CREB3L4: variants seen among roughly 807,000 people sequenced by gnomAD.
CREB3L4 encodes the protein cAMP responsive element binding protein 3 like 4.
In CREB3L4, 28 loss-of-function variants were observed where a neutral mutation model predicts 37.0. The ratio of observed to expected loss-of-function variants is 0.76; its 90% CI spans 0.56 to 1.04. The LOEUF (loss-of-function observed/expected upper bound fraction) is 1.04, where lower values mean the gene tolerates loss of function less well. Among genes scored for constraint, CREB3L4 ranks in the 50% least tolerant of loss-of-function variants. The probability of loss-of-function intolerance (pLI) is 0.00; values close to 1 mark genes in which losing one functional copy is unlikely to be tolerated. For missense variants in CREB3L4, 462 were observed against 486.0 expected (o/e 0.95, Z 0.46); for synonymous variants, 175 against 192.2 (o/e 0.91, Z 0.74).
In CREB3L4 at chr1:153,969,320, GTTTTCTACTCC is replaced by G; in HGVS notation, c.422-13_422-3del. On this transcript the variant is annotated splice_region_variant and splice_polypyrimidine_tract_variant and intron_variant, in intron 3 of 9. Coordinates refer to ENST00000368607, the MANE Select transcript of CREB3L4 (RefSeq NM_001255978.2). ...TAAGTCTCCTTTCTCCCAGCTACCT[GTTTTCTACTCC>G]AGATCAGTGGAGCCCAGCATTTATG... 6.2e-7 allele frequency: 1 copy of G among 1,614,198 alleles called. No homozygotes were observed. The highest frequency in any genetic ancestry group is 2.2e-5 in the East Asian group (1 of 44,884).
Position 153,972,833 on chromosome 1 carries a change from C to T in CREB3L4, c.633C>T (p.Thr211=). 6.2e-7 allele frequency: 1 copy of T among 1,613,330 alleles called. No individual in the cohort carries two copies. The highest frequency in any genetic ancestry group is 8.5e-7 in the Non-Finnish European group (1 of 1,179,428). The change falls in exon 5 of 10, where the codon ACC becomes ACT. Residue 211 remains threonine (T), a synonymous_variant. Transcript: ENST00000368607. ...GVSLPSHLPL[T]KAEERVLKKV... ...CCCTGCCCTCTCACCTGCCCCTCAC[C>T]AAGGTAACATGCTTCCCCTAAGGGT...
chr1:153,970,739 CTTTTTTTTTTTT>C (rs35553007), intron 4 of CREB3L4, among the ~76,000 whole-genome samples: 25 of 87,154 alleles, frequency 2.9e-4, no homozygotes, highest in South Asian at 1.0e-3. Flanking sequence ...ATCTTAGAAT[CTTTTTTTTTTTT>C]TTTTTTTTTT....
chr1:153,968,770 T>G (rs1648035631), intron 2 of CREB3L4, 71 bp downstream of exon 2: 24 of 1,591,620 alleles, frequency 1.5e-5, no homozygotes, highest in Non-Finnish European at 2.0e-5. Flanking sequence ...CAGCTCCCAC[T>G]TGGAGACAGG....
chr1:153,970,739 CTTTT>C (rs35553007), intron 4 of CREB3L4, among the ~76,000 whole-genome samples: 590 of 87,144 alleles, frequency 6.8e-3, no homozygotes, highest in Non-Finnish European at 9.1e-3. Context: ...ATCTTAGAAT[CTTTT>C]TTTTTTTTTT....
chr1:153,973,506 A>G, intron 8 of CREB3L4, 42 bp downstream of exon 8: 1 of 1,589,998 alleles, frequency 6.3e-7, no homozygotes, highest in Non-Finnish European at 8.6e-7. Context: ...CCACACTTCT[A>G]TCCTTATACC....
Position 153,974,131 on chromosome 1 carries a change from C to A in CREB3L4, c.*66C>A. 6.7e-7 allele frequency: 1 copy of A among 1,489,082 alleles called. No individual in the cohort carries two copies. The highest frequency in any genetic ancestry group is 9.2e-7 in the Non-Finnish European group (1 of 1,091,116). 92.2% of individuals were successfully genotyped at this position (1,489,082 alleles called of 1,614,324 possible). On this transcript the variant is annotated 3_prime_UTR_variant, in exon 10 of 10. Transcript: ENST00000368607. ...AATCCTGGGCTTCCTTATGGCTTTG[C>A]TTCCCACTGGGATTCCTACTTAGGT...
chr1:153,969,410 C>A lies in CREB3L4; in HGVS notation c.498C>A (p.Ile166=). 1 of 1,614,170 alleles carries A rather than the reference C, an allele frequency of 6.2e-7. No homozygotes were observed. The highest frequency in any genetic ancestry group is 8.5e-7 in the Non-Finnish European group (1 of 1,180,022). Residue 166 remains isoleucine, a synonymous_variant, in exon 4 of 10, where the codon ATC becomes ATA. Transcript: ENST00000368607. ...TGCCCTTTGATGCTCATGCCCACAT[C>A]CTGCCCAGAGCAGGCACCGTAGCCC... is the stretch of plus-strand genomic sequence containing the variant. ...SELPFDAHAH[I]LPRAGTVAPV...
intron 4 of CREB3L4, among the ~76,000 whole-genome samples, chr1:153,970,467 G>A (rs573579350): frequency 3.3e-5 from 5 of 152,310 alleles, no homozygotes; most frequent in Non-Finnish European, 5.9e-5. Context: ...AGAAAGAAAA[G>A]CAATAGCAGC....
chr1:153,971,587 C>CTTTTTTTTTTTTTTTTT (rs55930906), intron 4 of CREB3L4, among the ~76,000 whole-genome samples: 2 of 107,512 alleles, frequency 1.9e-5, no homozygotes, highest in African/African-American at 3.5e-5. Context: ...TTTTCTTTTT[C>CTTTTTTTTTTTTTTTTT]TTTTTTTTTT....
At chr1:153,973,524 C>T in intron 8 of CREB3L4, 60 bp downstream of exon 8, 3 of 1,576,016 alleles carry the variant, frequency 1.9e-6, no homozygotes, top group Non-Finnish European at 2.6e-6. Context: ...ACCCCGACTA[C>T]CCGGCCAGAT....
At chr1:153,973,800 A>C in intron 9 of CREB3L4, 72 bp from the exon 10 acceptor site, 1 of 1,563,610 alleles carries the variant, frequency 6.4e-7, no homozygotes, top group Non-Finnish European at 8.8e-7. Context: ...AGCAAGAGGG[A>C]GGTCCTGTCC....
intron 4 of CREB3L4, among the ~76,000 whole-genome samples, chr1:153,971,773 G>C (rs1648403227): frequency 6.6e-6 from 1 of 151,890 alleles, no homozygotes; most frequent in Non-Finnish European, 1.5e-5. Context: ...CAAAAACCAT[G>C]AGCAGGCAAA....
chr1:153,970,739 CTTT>C (rs35553007), intron 4 of CREB3L4, among the ~76,000 whole-genome samples: 2 of 87,150 alleles, frequency 2.3e-5, no homozygotes, highest in South Asian at 5.0e-4. Context: ...ATCTTAGAAT[CTTT>C]TTTTTTTTTT....
Position 153,969,386 on chromosome 1 carries a change from G to A in CREB3L4, c.474G>A (p.Leu158=), listed in dbSNP as rs1279033499. The A allele has an allele frequency of 6.2e-7, 1 of 1,614,044 alleles. No individual in the cohort carries two copies. Among genetic ancestry groups the A allele is most frequent in the East Asian group, 2.2e-5 (1 of 44,894 alleles). ...MVPDSCMVSE[L]PFDAHAHILP... ...CTGATTCCTGCATGGTCAGTGAGCT[G>A]CCCTTTGATGCTCATGCCCACATCC... The change falls in exon 4 of 10, where the codon CTG becomes CTA. Residue 158 remains leucine, a synonymous_variant. Coordinates refer to ENST00000368607, the MANE Select transcript of CREB3L4 (RefSeq NM_001255978.2).
rs1571106262 is a variant in CREB3L4 at position 153,968,972 on chromosome 1, AT to A, written c.219del (p.Ile73MetfsTer61). 1 of 1,613,600 alleles carries A rather than the reference AT, an allele frequency of 6.2e-7. No individual in the cohort carries two copies. Among genetic ancestry groups the A allele is most frequent in the East Asian group, 2.2e-5 (1 of 44,880 alleles). On this transcript the variant is annotated frameshift_variant, in exon 3 of 10. Transcript: ENST00000368607. LOFTEE classifies it high-confidence loss of function. ...SEPEDFLKLF[I>X]DPNEVYCSEA... ...GCCTGAAGATTTCTTGAAGCTTTTC[AT>A]TGATCCCAATGAGGTGTACTGCTCA...
intron 1 of CREB3L4, 146 bp downstream of exon 1, chr1:153,968,310 G>A (rs1230744774): frequency 1.1e-5 from 6 of 541,628 alleles, no homozygotes; most frequent in Admixed American, 3.1e-5. Context: ...CTTCAGAACA[G>A]GTAATGCTTG....
At position 153,973,860 on chromosome 1, in the gene CREB3L4, T is replaced by C. The variant is rs1648655427; in HGVS notation, c.995-12T>C. ...AGCACTCTACTACTGCCCTCTTGCC[T>C]TCACCTCACAGTGACTTCCAGAAAT... On this transcript the variant is annotated splice_polypyrimidine_tract_variant and intron_variant, in intron 9 of 9. Transcript: ENST00000368607. The C allele has an allele frequency of 6.2e-7, 1 of 1,613,268 alleles. No individual in the cohort carries two copies. Among genetic ancestry groups the C allele is most frequent in the Admixed American group, 1.7e-5 (1 of 59,956 alleles).
Position 153,968,600 on chromosome 1 carries a change from C to A in CREB3L4, c.75C>A (p.Val25=). The change falls in exon 2 of 10, where the codon GTC becomes GTA. Residue 25 remains valine (V), a synonymous_variant. Transcript: ENST00000368607. ...PPEDIFSTGS[V]LELGLHCPPP... ...AGGATATCTTCTCGACAGGATCCGT[C>A]CTGGAGCTGGGACTCCACTGCCCCC... 1 of 1,614,118 alleles carries A rather than the reference C, an allele frequency of 6.2e-7. No individual in the cohort carries two copies. The highest frequency in any genetic ancestry group is 8.5e-7 in the Non-Finnish European group (1 of 1,180,000).
rs1398248451 is a variant in CREB3L4 at position 153,968,659 on chromosome 1, A to G, written c.134A>G (p.Gln45Arg). The G allele has an allele frequency of 1.2e-6, 2 of 1,613,988 alleles. No individual in the cohort carries two copies. Among genetic ancestry groups the G allele is most frequent in the Non-Finnish European group, 1.7e-6 (2 of 1,179,994 alleles). ...PEVPVTRLQE[Q>R]GLQGWKSGGD... Reference sequence around the variant, plus strand: ...GTTCCGGTAACTAGGCTACAGGAACAGGGACTGCAAGGCTGGAAGTCCGGT... The same window carrying G: ...GTTCCGGTAACTAGGCTACAGGAACGGGGACTGCAAGGCTGGAAGTCCGGT... Residue 45 changes from glutamine to arginine, a missense_variant, in exon 2 of 10, where the codon CAG becomes CGG. Physicochemically the swap from Gln to Arg is conservative, Grantham distance 43. Transcript: ENST00000368607.
Sources: gnomAD v4.1 joint callset for allele counts (sites outside exome capture counted in the v4.1 genomes callset) on GRCh38, gnomAD v4.1.1 for gene constraint, MANE v1.5 for transcripts, NCBI Gene and HGNC (gene_info 2026-07-23, HGNC 2026-07-21) for gene names.